Variants in APBB2 observed in about 807,000 individuals in gnomAD.
APBB2 encodes amyloid beta precursor protein binding family B member 2.
Under a neutral mutation model 82.5 loss-of-function variants are expected in APBB2, and 38 were observed. The ratio of observed to expected loss-of-function variants is 0.46; its 90% CI spans 0.36 to 0.60. The LOEUF (loss-of-function observed/expected upper bound fraction) is 0.60, where lower values mean the gene tolerates loss of function less well. Ranked by LOEUF, APBB2 falls within the 20% of genes least tolerant of loss-of-function variation. The probability of loss-of-function intolerance (pLI) is 0.00; values close to 1 mark genes in which losing one functional copy is unlikely to be tolerated. For missense variants in APBB2, 772 were observed against 972.3 expected (o/e 0.79, Z 2.74); for synonymous variants, 341 against 368.2 (o/e 0.93, Z 0.85).
intron 10 of APBB2, among the ~76,000 whole-genome samples, chr4:40,912,983 T>C (rs1329253225): frequency 6.6e-6 from 1 of 152,234 alleles, no homozygotes; most frequent in Non-Finnish European, 1.5e-5. Flanking sequence ...GCATGGCTGA[T>C]TTACACTACA....
intron 4 of APBB2, among the ~76,000 whole-genome samples, chr4:41,043,295 A>G: frequency 6.6e-6 from 1 of 152,248 alleles, no homozygotes; most frequent in East Asian, 1.9e-4. Flanking sequence ...ACATCCTACA[A>G]TGGAATACTA....
At chr4:40,912,575 T>G (rs1381678362) in intron 10 of APBB2, among the ~76,000 whole-genome samples, 1 of 128,312 alleles carries the variant, frequency 7.8e-6, no homozygotes, top group Non-Finnish European at 1.7e-5. Flanking sequence ...AGATTCCTTC[T>G]CATAAAAAAA....
At chr4:41,064,620 G>C (rs1435545313) in intron 4 of APBB2, among the ~76,000 whole-genome samples, 1 of 152,190 alleles carries the variant, frequency 6.6e-6, no homozygotes, top group Non-Finnish European at 1.5e-5. Flanking sequence ...TCATTAAAGG[G>C]AAGAATCATT....
At chr4:41,002,978 T>A (rs184346356) in intron 6 of APBB2, among the ~76,000 whole-genome samples, 4 of 152,330 alleles carry the variant, frequency 2.6e-5, no homozygotes, top group Admixed American at 6.5e-5. Context: ...TTACTGATAG[T>A]CTTGTCTGTC....
intron 3 of APBB2, among the ~76,000 whole-genome samples, chr4:41,098,441 C>A (rs888325212): frequency 2.0e-5 from 3 of 152,130 alleles, no homozygotes; most frequent in Admixed American, 6.6e-5. Flanking sequence ...CCTCTGCCCC[C>A]CAAAAGTGTT....
At chr4:40,901,909 ATGTGTGTGTGTGTG>A (rs35766512) in intron 10 of APBB2, among the ~76,000 whole-genome samples, 7 of 145,542 alleles carry the variant, frequency 4.8e-5, no homozygotes, top group East Asian at 2.0e-4. Context: ...ATCCAAAATT[ATGTGTGTGTGTGTG>A]TGTGTGTGTG....
At chr4:40,845,087 G>A (rs186490886) in intron 12 of APBB2, among the ~76,000 whole-genome samples, 130 of 152,316 alleles carry the variant, frequency 8.5e-4, no homozygotes, top group African/African-American at 3.0e-3. Flanking sequence ...TGGAAAAAAT[G>A]CTACTGCAAA....
intron 1 of APBB2, among the ~76,000 whole-genome samples, chr4:41,209,006 A>G (rs1050940062): frequency 2.0e-5 from 3 of 152,140 alleles, no homozygotes; most frequent in African/African-American, 7.2e-5. Flanking sequence ...AAGAGCTCTA[A>G]TACCTTTAAA....
At chr4:41,096,103 C>T (rs2153962068) in intron 3 of APBB2, among the ~76,000 whole-genome samples, 1 of 152,332 alleles carries the variant, frequency 6.6e-6, no homozygotes, top group African/African-American at 2.4e-5. Flanking sequence ...ACTCAGCCCT[C>T]AAGTCATACT....
intron 2 of APBB2, among the ~76,000 whole-genome samples, chr4:41,121,465 T>A (rs567769957): frequency 4.4e-4 from 67 of 152,350 alleles, no homozygotes; most frequent in African/African-American, 1.6e-3. Context: ...GGAGCGTGCG[T>A]GTGTACACGC....
chr4:40,825,845 C>A, intron 15 of APBB2, 42 bp downstream of exon 15: 1 of 1,562,244 alleles, frequency 6.4e-7, no homozygotes, highest in South Asian at 1.1e-5. Flanking sequence ...TGTGAGCTCC[C>A]GCACACTTGC....
At chr4:40,977,173 G>A (rs1265925872) in intron 6 of APBB2, among the ~76,000 whole-genome samples, 1 of 152,198 alleles carries the variant, frequency 6.6e-6, no homozygotes, top group African/African-American at 2.4e-5. Flanking sequence ...GGCTTGAGAT[G>A]AGGAAATATC....
intron 3 of APBB2, among the ~76,000 whole-genome samples, chr4:41,096,869 T>C (rs1230043258): frequency 6.6e-6 from 1 of 152,214 alleles, no homozygotes; most frequent in African/African-American, 2.4e-5. Flanking sequence ...AAACTCAAAT[T>C]AAGTTCCCTA....
At chr4:40,830,238 G>A (rs190412597) in intron 13 of APBB2, among the ~76,000 whole-genome samples, 4 of 150,812 alleles carry the variant, frequency 2.7e-5, no homozygotes, top group African/African-American at 9.7e-5. Context: ...GTTTCCAGGC[G>A]GCGGGAGGGA....
At chr4:41,074,612 T>TA (rs1560682537) in intron 3 of APBB2, among the ~76,000 whole-genome samples, 111 of 141,270 alleles carry the variant, frequency 7.9e-4, no homozygotes, top group African/African-American at 2.0e-3. Flanking sequence ...ATTATTATTT[T>TA]TTTTTTTTTT....
At chr4:41,019,979 C>G (rs1477608857) in intron 5 of APBB2, among the ~76,000 whole-genome samples, 1 of 150,542 alleles carries the variant, frequency 6.6e-6, no homozygotes, top group Non-Finnish European at 1.5e-5. Context: ...AAGACAGAGA[C>G]AGAGAGAGGA....
chr4:41,167,264 C>T (rs1766917464), intron 1 of APBB2, among the ~76,000 whole-genome samples: 1 of 152,220 alleles, frequency 6.6e-6, no homozygotes, highest in South Asian at 2.1e-4. Context: ...ATCTCACTGT[C>T]TACTATGGAG....
chr4:40,908,330 C>T (rs1013911836), intron 10 of APBB2, among the ~76,000 whole-genome samples: 1 of 152,174 alleles, frequency 6.6e-6, no homozygotes, highest in Non-Finnish European at 1.5e-5. Context: ...ATGGCAGCCC[C>T]AGCCAACAAA....
intron 6 of APBB2, among the ~76,000 whole-genome samples, chr4:40,949,490 C>T (rs568505699): frequency 6.6e-6 from 1 of 152,086 alleles, no homozygotes; most frequent in South Asian, 2.1e-4. Context: ...GTCAAGTTAT[C>T]GAAATACCAA....
Sources: allele counts gnomAD v4.1 joint callset (sites outside exome capture counted in the v4.1 genomes callset), GRCh38; gene constraint gnomAD v4.1.1; transcripts MANE v1.5; gene names NCBI Gene and HGNC (gene_info 2026-07-23, HGNC 2026-07-21).